FNTB: variants seen among roughly 807,000 people sequenced by gnomAD.
FNTB encodes the protein protein farnesyltransferase subunit beta.
A neutral mutation model predicts 59.4 loss-of-function variants in FNTB; 27 were observed. The observed-to-expected ratio is 0.45, with a 90% CI of 0.34 to 0.63. The LOEUF is 0.63. Among genes scored for constraint, FNTB ranks in the 20% least tolerant of loss-of-function variants. The pLI is 0.02. For synonymous variants in FNTB, 230 were observed against 220.7 expected (o/e 1.04, Z -0.37); for missense variants, 449 against 559.6 (o/e 0.80, Z 1.99).
chr14:65,059,335 T>C (rs916130053), intron 11 of FNTB, among the ~76,000 whole-genome samples: 11 of 150,638 alleles, frequency 7.3e-5, no homozygotes, highest in African/African-American at 2.2e-4. Flanking sequence ...ACTAGCCCCT[T>C]TTTTTTTTTC....
At position 65,040,936 on chromosome 14, in the gene FNTB, C is replaced by T. The variant is rs45563031; in HGVS notation, c.822+17C>T. On this transcript the variant is annotated intron_variant, in intron 8 of 11. Transcript: ENST00000246166. ...AGCTTATTAGTAAGTATCTTTTGAGCCATCCCCCTCTCAGGCCCCAGGTCA... is the reference window on the plus strand; with the variant it reads ...AGCTTATTAGTAAGTATCTTTTGAGTCATCCCCCTCTCAGGCCCCAGGTCA... 201,177 of 1,610,628 alleles carry T rather than the reference C, an allele frequency of 0.12. 14,275 individuals are homozygous for T. The highest frequency in any genetic ancestry group is 0.22 in the Admixed American group (13,368 of 59,800).
chr14:65,033,864 G>A (rs2062136402), intron 7 of FNTB, among the ~76,000 whole-genome samples: 1 of 152,122 alleles, frequency 6.6e-6, no homozygotes, highest in South Asian at 2.1e-4. Flanking sequence ...CTCAAAAAAA[G>A]AAGCAAAAGG....
At chr14:65,060,886 A>C (rs939898852) in intron 11 of FNTB, among the ~76,000 whole-genome samples, 4 of 151,394 alleles carry the variant, frequency 2.6e-5, no homozygotes, top group African/African-American at 9.7e-5. Context: ...AAAAAAAAAA[A>C]AAAAAAAAAC....
At chr14:64,999,208 C>T (rs1888512144) in intron 1 of FNTB, among the ~76,000 whole-genome samples, 1 of 152,192 alleles carries the variant, frequency 6.6e-6, no homozygotes, top group African/African-American at 2.4e-5. Flanking sequence ...GAGGCCAAGG[C>T]TTATGGATCA....
rs973553925 is a variant in FNTB at position 65,043,588 on chromosome 14, C to T, written c.823-723C>T. On this transcript the variant is annotated intron_variant, in intron 8 of 11. Coordinates refer to ENST00000246166, the MANE Select transcript of FNTB (RefSeq NM_002028.4). ...CTGTAATCCCAGCACTTTGGGAGGCCGAGGCGGGTGGATCATGAGGTCAGG... is the reference window on the plus strand; with the variant it reads ...CTGTAATCCCAGCACTTTGGGAGGCTGAGGCGGGTGGATCATGAGGTCAGG... Among the ~76,000 whole-genome samples the T allele has an allele frequency of 5.3e-5, 8 of 151,762 alleles. No homozygotes were observed. In the South Asian group the frequency reaches 8.3e-4, roughly 16 times the overall value.
chr14:65,040,138 C>A (rs1188637163), intron 7 of FNTB, among the ~76,000 whole-genome samples: 1 of 152,208 alleles, frequency 6.6e-6, no homozygotes, highest in East Asian at 1.9e-4. Context: ...TGCAGTGAGC[C>A]ATGATCTGCA....
In FNTB at chr14:65,031,491, TGTTTTTA is replaced by T. The variant is rs1194955352; in HGVS notation, c.606-1116_606-1110del. 6.6e-6 allele frequency among the ~76,000 whole-genome samples: 1 copy of T among 151,864 alleles called. No individual in the cohort carries two copies. Among genetic ancestry groups the T allele is most frequent in the African/African-American group, 2.4e-5 (1 of 41,378 alleles). ...CGCCACCATGCCCAGCTAATTTTTG[TGTTTTTA>T]GTGGAGACGGGGTTTCGCAATATTG... On this transcript the variant is annotated intron_variant, in intron 6 of 11. Transcript: ENST00000246166. This position sits in a 1 kb window ranked among gnomAD's most constrained non-coding sequence, Gnocchi z 4.6.
chr14:65,008,610 G>A (rs1240949517), intron 2 of FNTB, among the ~76,000 whole-genome samples: 2 of 152,248 alleles, frequency 1.3e-5, no homozygotes, highest in Non-Finnish European at 2.9e-5. Context: ...TGAATCTGTA[G>A]GTGGAATAGG....
chr14:65,037,379 AG>A (rs1206815512), intron 7 of FNTB, among the ~76,000 whole-genome samples: 3 of 112,932 alleles, frequency 2.7e-5, no homozygotes, highest in Non-Finnish European at 5.0e-5. Context: ...CTGAGATTAT[AG>A]GCGTGAGCCA....
intron 9 of FNTB, among the ~76,000 whole-genome samples, chr14:65,045,284 T>G (rs569005070): frequency 7.5e-4 from 114 of 152,188 alleles, no homozygotes; most frequent in Admixed American, 1.4e-3. Flanking sequence ...ATGAGATCCC[T>G]GGGTCCAAAG....
In FNTB at chr14:64,986,940, C is replaced by T; in HGVS notation, c.-14C>T. On this transcript the variant is annotated 5_prime_UTR_variant, in exon 1 of 12. Transcript: ENST00000246166. Reference sequence around the variant, plus strand: ...GAAGCAGAGTCCTACACACTGTCTGCTGCTCTCCTGATCATGGCTTCTCCG... The same window carrying T: ...GAAGCAGAGTCCTACACACTGTCTGTTGCTCTCCTGATCATGGCTTCTCCG... 1.2e-6 allele frequency: 2 copies of T among 1,614,148 alleles called. No homozygotes were observed. The highest frequency in any genetic ancestry group is 1.7e-6 in the Non-Finnish European group (2 of 1,179,972).
At chr14:64,993,945 T>C (rs1434053453) in intron 1 of FNTB, among the ~76,000 whole-genome samples, 3 of 152,050 alleles carry the variant, frequency 2.0e-5, no homozygotes, top group Admixed American at 6.6e-5. Context: ...AACCTCCGCC[T>C]CCTGGGTTCA....
rs1312083448 is a variant in FNTB at position 65,007,436 on chromosome 14, C to T, written c.209+3123C>T. On this transcript the variant is annotated intron_variant, in intron 2 of 11. Transcript: ENST00000246166. This position sits in a 1 kb window ranked among gnomAD's most constrained non-coding sequence, Gnocchi z 4.9. ...CATGCCCAGGACCACAGACCACGCA[C>T]AGGTCCAGGGATGCCTGTGATGATG... Among the ~76,000 whole-genome samples, 2 of 152,218 alleles carry T rather than the reference C, an allele frequency of 1.3e-5. No homozygotes were observed.
chr14:64,995,333 T>C (rs1888352344), intron 1 of FNTB, among the ~76,000 whole-genome samples: 1 of 152,200 alleles, frequency 6.6e-6, no homozygotes, highest in African/African-American at 2.4e-5. Flanking sequence ...AATAATAATA[T>C]ATAGTATAGT....
intron 2 of FNTB, among the ~76,000 whole-genome samples, chr14:65,008,765 T>C (rs1373580304): frequency 6.6e-6 from 1 of 152,200 alleles, no homozygotes; most frequent in Admixed American, 6.5e-5. Context: ...GTAGTGTGGG[T>C]GGAGGCACAT....
chr14:65,048,078 T>C (rs1418717171), intron 9 of FNTB, among the ~76,000 whole-genome samples: 1 of 148,292 alleles, frequency 6.7e-6, no homozygotes, highest in African/African-American at 2.5e-5. Context: ...GCCTCCTCGG[T>C]TCAATTGATT....
In FNTB at chr14:65,007,098, C is replaced by T. The variant is rs2061606778; in HGVS notation, c.209+2785C>T. Among the ~76,000 whole-genome samples, 1 of 152,244 alleles carries T rather than the reference C, an allele frequency of 6.6e-6. No homozygotes were observed. The highest frequency in any genetic ancestry group is 2.4e-5 in the African/African-American group (1 of 41,532). ...AGGATGCTAATTAATATTGGAGATA[C>T]TATACATTTTGGCTGAATGGCTGAG... On this transcript the variant is annotated intron_variant, in intron 2 of 11. Transcript: ENST00000246166. This position sits in a 1 kb window ranked among gnomAD's most constrained non-coding sequence, Gnocchi z 4.9.
chr14:65,033,210 CTA>C (rs1200089069), intron 7 of FNTB, among the ~76,000 whole-genome samples: 1 of 152,024 alleles, frequency 6.6e-6, no homozygotes, highest in Non-Finnish European at 1.5e-5. Flanking sequence ...GGAAAAATCT[CTA>C]TGTTGAGTTG....
chr14:65,022,427 G>A (rs1285679478), intron 4 of FNTB, among the ~76,000 whole-genome samples: 1 of 151,898 alleles, frequency 6.6e-6, no homozygotes, highest in Non-Finnish European at 1.5e-5. Context: ...CTACAAATTA[G>A]TCTCAGTTTT....
Sources: gnomAD v4.1 joint callset for allele counts (sites outside exome capture counted in the v4.1 genomes callset) on GRCh38, gnomAD v4.1.1 for gene constraint, Gnocchi (gnomAD v3.1) non-coding constraint, MANE v1.5 for transcripts, NCBI Gene and HGNC (gene_info 2026-07-23, HGNC 2026-07-21) for gene names.